The following LHFPL6 variants were observed in gnomAD, a reference collection of about 807,000 sequenced individuals.
LHFPL6 encodes the protein LHFPL tetraspan subfamily member 6.
LHFPL6 carries 9 observed loss-of-function variants against 20.6 expected under a neutral mutation model. That is an observed-to-expected ratio of 0.44 (90% confidence interval 0.26 to 0.76). LHFPL6 has a LOEUF of 0.76. Ranked by LOEUF, LHFPL6 falls within the 30% of genes least tolerant of loss-of-function variation. LHFPL6 has a pLI of 0.20. For synonymous variants in LHFPL6, 105 were observed against 98.7 expected, an observed-to-expected ratio of 1.06 and a Z score of -0.38; for missense variants, 218 against 253.5, an observed-to-expected ratio of 0.86 and a Z score of 0.95.
At chr13:39,506,124 T>C (rs1211836475) in intron 2 of LHFPL6, among the ~76,000 whole-genome samples, 1 of 152,246 alleles carries the variant, frequency 6.6e-6, no homozygotes, top group African/African-American at 2.4e-5. Flanking sequence ...TACTACACTA[T>C]GATCTTTTAC....
At chr13:39,387,461 C>T (rs1478231373) in intron 2 of LHFPL6, among the ~76,000 whole-genome samples, 1 of 141,142 alleles carries the variant, frequency 7.1e-6, no homozygotes, top group Admixed American at 7.9e-5. Context: ...GCAGGAGAAT[C>T]GCTTGAACCG....
intron 2 of LHFPL6, among the ~76,000 whole-genome samples, chr13:39,444,684 G>T (rs865836451): frequency 1.3e-5 from 2 of 152,180 alleles, no homozygotes; most frequent in Admixed American, 6.5e-5. Context: ...TCCATATGGT[G>T]CTAATTCTGA....
At chr13:39,435,062 C>CAAAAA (rs55701240) in intron 2 of LHFPL6, among the ~76,000 whole-genome samples, 334 of 50,938 alleles carry the variant, frequency 6.6e-3, no homozygotes, top group Middle Eastern at 0.016. Context: ...GACTCCGTCT[C>CAAAAA]AAAAAAAAAA....
chr13:39,463,782 T>G (rs768249668), intron 2 of LHFPL6, among the ~76,000 whole-genome samples: 2 of 152,180 alleles, frequency 1.3e-5, no homozygotes, highest in African/African-American at 2.4e-5. Context: ...GAGGATTATG[T>G]TGCAGCACAC....
intron 2 of LHFPL6, among the ~76,000 whole-genome samples, chr13:39,524,046 G>A (rs1870206956): frequency 1.3e-5 from 2 of 152,114 alleles, no homozygotes; most frequent in Admixed American, 1.3e-4. Flanking sequence ...TGCCAGCATG[G>A]TTAAAATACA....
chr13:39,539,046 G>T (rs1369792574), intron 2 of LHFPL6, among the ~76,000 whole-genome samples: 1 of 152,070 alleles, frequency 6.6e-6, no homozygotes, highest in East Asian at 1.9e-4. Flanking sequence ...GCATGGCTGT[G>T]TTTCAGTAAT....
At chr13:39,571,317 C>T (rs1871907269) in intron 2 of LHFPL6, among the ~76,000 whole-genome samples, 1 of 152,214 alleles carries the variant, frequency 6.6e-6, no homozygotes, top group Non-Finnish European at 1.5e-5. Flanking sequence ...GATCCCCACC[C>T]TTCACCTATT....
chr13:39,567,491 CAG>C (rs1266156585), intron 2 of LHFPL6, among the ~76,000 whole-genome samples: 3 of 152,190 alleles, frequency 2.0e-5, no homozygotes, highest in Non-Finnish European at 2.9e-5. Flanking sequence ...CAAGATCTAA[CAG>C]ACTTTTTCCA....
At chr13:39,570,206 A>C (rs1183540792) in intron 2 of LHFPL6, among the ~76,000 whole-genome samples, 1 of 152,264 alleles carries the variant, frequency 6.6e-6, no homozygotes, top group East Asian at 1.9e-4. Context: ...TCAGTGGCAC[A>C]ACCATAGTCA....
At chr13:39,437,098 AGCT>A (rs1871978345) in intron 2 of LHFPL6, among the ~76,000 whole-genome samples, 1 of 152,224 alleles carries the variant, frequency 6.6e-6, no homozygotes, top group African/African-American at 2.4e-5. Flanking sequence ...AAAACATGTA[AGCT>A]GCTGTGCTTT....
intron 2 of LHFPL6, among the ~76,000 whole-genome samples, chr13:39,406,712 A>C (rs1340499422): frequency 6.6e-6 from 1 of 152,244 alleles, no homozygotes; most frequent in Non-Finnish European, 1.5e-5. Context: ...TCATACATTA[A>C]AATGCCATAT....
chr13:39,443,444 A>G (rs1872193279), intron 2 of LHFPL6, among the ~76,000 whole-genome samples: 1 of 152,176 alleles, frequency 6.6e-6, no homozygotes, highest in African/African-American at 2.4e-5. Flanking sequence ...TTACTGTAAC[A>G]AATACCTGAA....
chr13:39,549,975 G>A (rs1871100039), intron 2 of LHFPL6, among the ~76,000 whole-genome samples: 1 of 151,980 alleles, frequency 6.6e-6, no homozygotes, highest in Non-Finnish European at 1.5e-5. Flanking sequence ...CTGGGAGGTT[G>A]GGAGAAAATG....
At chr13:39,498,461 T>G (rs1445835949) in intron 2 of LHFPL6, among the ~76,000 whole-genome samples, 1 of 152,234 alleles carries the variant, frequency 6.6e-6, no homozygotes, top group Non-Finnish European at 1.5e-5. Flanking sequence ...GGTATCAGGA[T>G]CCTTTTTAAT....
Position 39,601,310 on chromosome 13 carries a change from T to A in LHFPL6, c.-94A>T. ...GAAATCACCAGGGACCCACAGATAA[T>A]CCACAGTTCCGTAATGCAGAATGGA... On this transcript the variant is annotated 5_prime_UTR_variant, in exon 2 of 4. Transcript: ENST00000379589. 4 of 1,286,364 alleles carry A rather than the reference T, an allele frequency of 3.1e-6. No homozygotes were observed. The highest frequency in any genetic ancestry group is 4.2e-6 in the Non-Finnish European group (4 of 945,926). The allele number at this position is 1,286,364 out of a possible 1,614,324, so 79.7% of individuals were successfully genotyped here.
At chr13:39,510,880 TTTTTC>T (rs1265494946) in intron 2 of LHFPL6, among the ~76,000 whole-genome samples, 4 of 151,908 alleles carry the variant, frequency 2.6e-5, no homozygotes, top group African/African-American at 9.7e-5. Context: ...AAATTTTTTT[TTTTTC>T]TTTTGAGAGG....
intron 2 of LHFPL6, among the ~76,000 whole-genome samples, chr13:39,439,821 G>C (rs1269498528): frequency 6.6e-6 from 1 of 152,116 alleles, no homozygotes; most frequent in Non-Finnish European, 1.5e-5. Context: ...CTTCCACCAT[G>C]ATTAAAAGCT....
At chr13:39,431,345 A>G (rs7329152) in intron 2 of LHFPL6, among the ~76,000 whole-genome samples, 143,792 of 151,910 alleles carry the variant, frequency 0.95, 68,560 homozygotes, top group Non-Finnish European at 1. Context: ...AACAAACTCC[A>G]GACACACCAT....
intron 2 of LHFPL6, among the ~76,000 whole-genome samples, chr13:39,560,504 C>CTTTTTTTTTTTTTTTTTTTT (rs376446144): frequency 8.5e-6 from 1 of 118,178 alleles, no homozygotes; most frequent in African/African-American, 3.1e-5. Context: ...TGCAAATTCT[C>CTTTTTTTTTTTTTTTTTTTT]TTTTTTTTTT....
Sources: gnomAD v4.1 joint callset for allele counts (sites outside exome capture counted in the v4.1 genomes callset) on GRCh38, gnomAD v4.1.1 for gene constraint, MANE v1.5 for transcripts, NCBI Gene and HGNC (gene_info 2026-07-23, HGNC 2026-07-21) for gene names.